Variants in EPHA3 observed in about 807,000 individuals in gnomAD.
The protein encoded by EPHA3 is ephrin type-A receptor 3.
Under a neutral mutation model 107.1 loss-of-function variants are expected in EPHA3, and 42 were observed. The observed-to-expected ratio is 0.39, with a 90% CI of 0.31 to 0.51. The LOEUF (loss-of-function observed/expected upper bound fraction) is 0.51, where lower values mean the gene tolerates loss of function less well. EPHA3 is among the 20% of genes least tolerant of loss of function. The pLI is 0.78. For missense variants in EPHA3, 1,183 were observed against 1,211.2 expected (o/e 0.98, Z 0.35); for synonymous variants, 461 against 424.8 (o/e 1.09, Z -1.05).
chr3:89,325,579 C>T, intron 3 of EPHA3, among the ~76,000 whole-genome samples: 1 of 152,178 alleles, frequency 6.6e-6, no homozygotes, highest in Admixed American at 6.6e-5. Context: ...CATTTCTTTT[C>T]CAGCTATACT....
Position 89,210,143 on chromosome 3 carries a change from T to C in EPHA3, c.437T>C (p.Ile146Thr). Residue 146 changes from isoleucine (I) to threonine (T), a missense_variant, in exon 3 of 17, where the codon ATT becomes ACT. By Grantham distance (89) the Ile-to-Thr change is moderately conservative (BLOSUM62 -1). Transcript: ENST00000336596. ...CATCAGTTTACAAAGATTGACACCA[T>C]TGCAGCTGATGAAAGTTTCACTCAA... Reference protein sequence around the residue: ...REHQFTKIDTIAADESFTQMD... With the variant: ...REHQFTKIDTTAADESFTQMD... The C allele has an allele frequency of 6.2e-7, 1 of 1,613,986 alleles. No individual in the cohort carries two copies. The highest frequency in any genetic ancestry group is 8.5e-7 in the Non-Finnish European group (1 of 1,179,908).
intron 3 of EPHA3, among the ~76,000 whole-genome samples, chr3:89,322,808 T>C (rs1300760512): frequency 6.6e-6 from 1 of 152,068 alleles, no homozygotes; most frequent in East Asian, 1.9e-4. Context: ...GTATTAGATA[T>C]ATGTGATCAG....
In EPHA3 at chr3:89,449,240, A is replaced by G. The variant is rs1240798724; in HGVS notation, c.2362A>G (p.Ile788Val). ...ATATTCAAAGGGAGGGAAGATCCCA[A>G]TCAGGTGGACATCACCAGAAGCTAT... is the stretch of plus-strand genomic sequence containing the variant. ...AYTTRGGKIP[I>V]RWTSPEAIAY... Residue 788 changes from isoleucine (I) to valine (V), a missense_variant, in exon 14 of 17, where the codon ATC (isoleucine) becomes GTC (valine). Physicochemically the swap from Ile to Val is conservative, Grantham distance 29. Transcript: ENST00000336596. 1.9e-6 allele frequency: 3 copies of G among 1,606,584 alleles called. No individual in the cohort carries two copies. Among genetic ancestry groups the G allele is most frequent in the South Asian group, 2.2e-5 (2 of 90,128 alleles).
intron 2 of EPHA3, among the ~76,000 whole-genome samples, chr3:89,191,088 T>C (rs192800865): frequency 9.2e-5 from 14 of 152,214 alleles, no homozygotes; most frequent in Non-Finnish European, 1.9e-4. Flanking sequence ...TATTCCTCTT[T>C]CATTGGTGTA....
intron 7 of EPHA3, among the ~76,000 whole-genome samples, chr3:89,401,969 G>C (rs1338196861): frequency 2.0e-5 from 3 of 152,082 alleles, no homozygotes; most frequent in Non-Finnish European, 2.9e-5. Context: ...ATTAGCAAAA[G>C]CTAATATTTA....
At chr3:89,215,243 C>T (rs561835119) in intron 3 of EPHA3, among the ~76,000 whole-genome samples, 44 of 151,908 alleles carry the variant, frequency 2.9e-4, no homozygotes, top group African/African-American at 1.0e-3. Context: ...GTCAAATGTG[C>T]TTACACGAAT....
At chr3:89,338,386 A>T (rs2107412327) in intron 3 of EPHA3, among the ~76,000 whole-genome samples, 1 of 152,198 alleles carries the variant, frequency 6.6e-6, no homozygotes, top group East Asian at 1.9e-4. Context: ...GTCTCTTCCA[A>T]CCACCAATCA....
chr3:89,280,191 A>G (rs1279147037), intron 3 of EPHA3, among the ~76,000 whole-genome samples: 2 of 152,176 alleles, frequency 1.3e-5, no homozygotes, highest in Non-Finnish European at 2.9e-5. Context: ...TTTATTCAGT[A>G]AGGGCCATAT....
chr3:89,202,060 C>T lies in EPHA3; in HGVS notation c.154-7800C>T, dbSNP rs1417367420. Among the ~76,000 whole-genome samples the T allele has an allele frequency of 2.6e-5, 4 of 152,080 alleles. No individual in the cohort carries two copies. In the South Asian group the frequency reaches 6.2e-4, roughly 24 times the overall value. On this transcript the variant is annotated intron_variant, in intron 2 of 16. Transcript: ENST00000336596. Reference sequence around the variant, plus strand: ...TCCAATAATCTCATATTTTCATTTCCGTATCCTTTTCCAGGACCTTCCTTC... The same window carrying T: ...TCCAATAATCTCATATTTTCATTTCTGTATCCTTTTCCAGGACCTTCCTTC...
intron 6 of EPHA3, among the ~76,000 whole-genome samples, chr3:89,398,325 C>T (rs1453935147): frequency 2.0e-5 from 3 of 152,106 alleles, no homozygotes; most frequent in South Asian, 2.1e-4. Context: ...AGAGAAAAAA[C>T]GTAATTCTTG....
intron 3 of EPHA3, among the ~76,000 whole-genome samples, chr3:89,254,423 A>G (rs1014452107): frequency 3.9e-5 from 6 of 152,186 alleles, no homozygotes; most frequent in Admixed American, 2.6e-4. Context: ...TTGCATGTCT[A>G]ATAAATCCTG....
intron 1 of EPHA3, among the ~76,000 whole-genome samples, chr3:89,111,160 C>G (rs1707096360): frequency 6.6e-6 from 1 of 151,890 alleles, no homozygotes; most frequent in Non-Finnish European, 1.5e-5. Context: ...CTAGAGGAAA[C>G]TATGCAATTG....
In EPHA3 at chr3:89,210,031, A is replaced by T. The variant is rs764881139; in HGVS notation, c.325A>T (p.Ile109Phe). The change falls in exon 3 of 17, where the codon ATT becomes TTT. Residue 109 changes from isoleucine (I) to phenylalanine (F), a missense_variant. Ile to Phe is a conservative substitution (Grantham distance 21, BLOSUM62 0). Transcript: ENST00000336596. ...LKFTLRDCNS[I>F]PLVLGTCKET... ...GTTCACTCTACGAGACTGCAATAGC[A>T]TTCCATTGGTTTTAGGAACTTGCAA... is the stretch of plus-strand genomic sequence containing the variant. The T allele has an allele frequency of 6.2e-7, 1 of 1,614,082 alleles. No homozygotes were observed. Among genetic ancestry groups the T allele is most frequent in the South Asian group, 1.1e-5 (1 of 91,090 alleles).
chr3:89,419,460 C>A, intron 11 of EPHA3, 70 bp downstream of exon 11: 2 of 1,379,030 alleles, frequency 1.5e-6, no homozygotes, highest in Non-Finnish European at 1.9e-6. Flanking sequence ...CAACCCCAAC[C>A]ATTTAAGAAT....
chr3:89,216,633 C>T (rs1458033585), intron 3 of EPHA3, among the ~76,000 whole-genome samples: 2 of 151,930 alleles, frequency 1.3e-5, no homozygotes, highest in African/African-American at 2.4e-5. Flanking sequence ...TGATTTGCTG[C>T]GTGCCACTTT....
intron 3 of EPHA3, among the ~76,000 whole-genome samples, chr3:89,281,579 A>T (rs1206464953): frequency 6.6e-6 from 1 of 152,300 alleles, no homozygotes; most frequent in East Asian, 1.9e-4. Flanking sequence ...CCTTTCAACA[A>T]ATATTTACTG....
At chr3:89,289,539 A>C (rs1375784077) in intron 3 of EPHA3, among the ~76,000 whole-genome samples, 1 of 152,114 alleles carries the variant, frequency 6.6e-6, no homozygotes, top group Admixed American at 6.6e-5. Flanking sequence ...CCAACTGTTA[A>C]ATTTCTGTAT....
At chr3:89,363,489 G>A (rs1708134757) in intron 5 of EPHA3, among the ~76,000 whole-genome samples, 1 of 150,660 alleles carries the variant, frequency 6.6e-6, no homozygotes, top group Admixed American at 6.7e-5. Flanking sequence ...GGCCTTCAAC[G>A]GACTGAATGA....
intron 3 of EPHA3, among the ~76,000 whole-genome samples, chr3:89,322,259 C>T (rs1321517577): frequency 1.3e-5 from 2 of 152,054 alleles, no homozygotes; most frequent in East Asian, 3.9e-4. Context: ...CCTAAAAGAG[C>T]CTGCCAATTA....
Sources: gnomAD v4.1 joint callset for allele counts (sites outside exome capture counted in the v4.1 genomes callset) on GRCh38, gnomAD v4.1.1 for gene constraint, MANE v1.5 for transcripts, NCBI Gene and HGNC (gene_info 2026-07-23, HGNC 2026-07-21) for gene names.